Variants in NCKAP5 observed in about 807,000 individuals in gnomAD.
NCKAP5 encodes the protein nck-associated protein 5.
In NCKAP5, 92 loss-of-function variants were observed where a neutral mutation model predicts 167.0. That is an observed-to-expected ratio of 0.55 (90% confidence interval 0.47 to 0.66). NCKAP5 has a LOEUF of 0.66. Among genes scored for constraint, NCKAP5 ranks in the 30% least tolerant of loss-of-function variants. The pLI is 0.00. For missense variants in NCKAP5, 2,378 were observed against 2,315.0 expected, an observed-to-expected ratio of 1.03 and a Z score of -0.56; for synonymous variants, 891 against 877.4, an observed-to-expected ratio of 1.02 and a Z score of -0.27.
intron 2 of NCKAP5, among the ~76,000 whole-genome samples, chr2:133,521,554 A>G (rs56049516): frequency 0.36 from 54,605 of 152,144 alleles, 10,598 homozygotes; most frequent in East Asian, 0.65. Flanking sequence ...CAAGTCCAAG[A>G]TCAAGTGCTA....
intron 3 of NCKAP5, among the ~76,000 whole-genome samples, chr2:133,473,994 A>G (rs1679592730): frequency 6.6e-6 from 1 of 152,220 alleles, no homozygotes; most frequent in Admixed American, 6.5e-5. Context: ...AATTAGTATG[A>G]AAGAAAGTGA....
At chr2:133,394,845 C>T (rs1346113863) in intron 3 of NCKAP5, among the ~76,000 whole-genome samples, 1 of 152,190 alleles carries the variant, frequency 6.6e-6, no homozygotes, top group African/African-American at 2.4e-5. Flanking sequence ...AACTTTAAAT[C>T]ATGCATGAAA....
At chr2:133,493,772 T>C (rs1368239846) in intron 3 of NCKAP5, among the ~76,000 whole-genome samples, 9 of 152,324 alleles carry the variant, frequency 5.9e-5, no homozygotes, top group Non-Finnish European at 8.8e-5. Context: ...AGAAGAGTGA[T>C]ACATTAGAAT....
intron 11 of NCKAP5, among the ~76,000 whole-genome samples, chr2:132,857,761 G>T (rs1419961549): frequency 1.3e-5 from 2 of 152,164 alleles, no homozygotes; most frequent in African/African-American, 4.8e-5. Flanking sequence ...CAATAGAGAA[G>T]TTTGTTGTCA....
intron 6 of NCKAP5, among the ~76,000 whole-genome samples, chr2:133,039,153 C>T (rs2079132583): frequency 6.6e-6 from 1 of 152,144 alleles, no homozygotes. Flanking sequence ...GCCAGAGGAG[C>T]CCCACAGAAA....
At chr2:133,453,857 A>G (rs999046027) in intron 3 of NCKAP5, among the ~76,000 whole-genome samples, 3 of 152,026 alleles carry the variant, frequency 2.0e-5, no homozygotes, top group Non-Finnish European at 4.4e-5. Flanking sequence ...TTTGCAAAAA[A>G]TTAAGTTGAA....
intron 3 of NCKAP5, among the ~76,000 whole-genome samples, chr2:133,439,785 G>T (rs1429411842): frequency 6.6e-6 from 1 of 152,148 alleles, no homozygotes; most frequent in Non-Finnish European, 1.5e-5. Flanking sequence ...TCAGGTTAAA[G>T]AATGTCTTCT....
intron 3 of NCKAP5, among the ~76,000 whole-genome samples, chr2:133,406,407 G>GA (rs1308174539): frequency 6.6e-6 from 1 of 152,186 alleles, no homozygotes; most frequent in Non-Finnish European, 1.5e-5. Context: ...TCTCTGAACT[G>GA]CAGTAGGTGA....
intron 3 of NCKAP5, among the ~76,000 whole-genome samples, chr2:133,485,142 T>C (rs1680796586): frequency 6.6e-6 from 1 of 152,166 alleles, no homozygotes; most frequent in Admixed American, 6.5e-5. Flanking sequence ...GAGACAAATA[T>C]GTCCCGTGAC....
intron 3 of NCKAP5, among the ~76,000 whole-genome samples, chr2:133,469,266 A>C (rs1692851842): frequency 6.6e-6 from 1 of 151,970 alleles, no homozygotes; most frequent in Non-Finnish European, 1.5e-5. Context: ...TCCTTTGCTT[A>C]TGAAGCTTAG....
intron 8 of NCKAP5, among the ~76,000 whole-genome samples, chr2:132,948,009 G>C (rs747709587): frequency 2.6e-5 from 4 of 152,164 alleles, no homozygotes; most frequent in Non-Finnish European, 5.9e-5. Context: ...GTCTTTCTCT[G>C]AACCAACTTC....
chr2:133,456,404 G>A (rs775309290), intron 3 of NCKAP5, among the ~76,000 whole-genome samples: 2 of 152,034 alleles, frequency 1.3e-5, no homozygotes, highest in Non-Finnish European at 2.9e-5. Flanking sequence ...GCTGCACTCT[G>A]CATCAGTCAT....
At chr2:133,077,666 C>T (rs1422744073) in intron 6 of NCKAP5, among the ~76,000 whole-genome samples, 2 of 152,120 alleles carry the variant, frequency 1.3e-5, no homozygotes, top group Non-Finnish European at 2.9e-5. Context: ...CACAAGGGGA[C>T]GCAAAACTGA....
At chr2:132,999,601 A>C (rs1362664331) in intron 6 of NCKAP5, among the ~76,000 whole-genome samples, 3 of 152,218 alleles carry the variant, frequency 2.0e-5, no homozygotes, top group African/African-American at 7.2e-5. Flanking sequence ...CCTTCTTTGT[A>C]ATCAGAGACT....
intron 7 of NCKAP5, among the ~76,000 whole-genome samples, chr2:132,966,189 T>C (rs1419033873): frequency 6.6e-6 from 1 of 152,138 alleles, no homozygotes; most frequent in African/African-American, 2.4e-5. Context: ...AACCTCCACC[T>C]CCCAGGTTCA....
chr2:132,834,960 T>C (rs1292968650), intron 11 of NCKAP5, among the ~76,000 whole-genome samples: 3 of 152,228 alleles, frequency 2.0e-5, no homozygotes, highest in African/African-American at 7.2e-5. Flanking sequence ...TTGTTGTATA[T>C]GGCCTTTATT....
intron 5 of NCKAP5, among the ~76,000 whole-genome samples, chr2:133,184,455 C>T (rs1260049611): frequency 1.3e-5 from 2 of 151,906 alleles, no homozygotes; most frequent in Non-Finnish European, 2.9e-5. Context: ...TTTGGTAGAA[C>T]AATTTATATT....
At chr2:133,207,322 C>T (rs1821421) in intron 5 of NCKAP5, among the ~76,000 whole-genome samples, 76,985 of 151,894 alleles carry the variant, frequency 0.51, 19,810 homozygotes, top group African/African-American at 0.53. Flanking sequence ...CTACAGGGCT[C>T]TTTTGGGGGC....
chr2:133,428,967 T>A (rs1277579690), intron 3 of NCKAP5, among the ~76,000 whole-genome samples: 2 of 152,162 alleles, frequency 1.3e-5, no homozygotes. Flanking sequence ...AATTTGGCAA[T>A]ATTAATTTAA....
Sources: allele counts gnomAD v4.1 joint callset (sites outside exome capture counted in the v4.1 genomes callset), GRCh38; gene constraint gnomAD v4.1.1; transcripts MANE v1.5; gene names NCBI Gene and HGNC (gene_info 2026-07-23, HGNC 2026-07-21).